Variants in TJP1 observed in about 807,000 individuals in gnomAD.
The protein encoded by TJP1 is tight junction protein ZO-1.
TJP1 carries 43 observed loss-of-function variants against 194.2 expected under a neutral mutation model. That is an observed-to-expected ratio of 0.22 (90% CI 0.17 to 0.29). The LOEUF (loss-of-function observed/expected upper bound fraction) is 0.29, where lower values mean the gene tolerates loss of function less well. Among genes scored for constraint, TJP1 ranks in the 10% least tolerant of loss-of-function variants. The probability of loss-of-function intolerance (pLI) is 1.00; values close to 1 mark genes in which losing one functional copy is unlikely to be tolerated. For synonymous variants in TJP1, 801 were observed against 779.0 expected, an observed-to-expected ratio of 1.03 and a Z score of -0.47; for missense variants, 1,971 against 2,185.7, an observed-to-expected ratio of 0.90 and a Z score of 1.96.
chr15:29,835,998 T>C (rs896645839), intron 2 of TJP1, among the ~76,000 whole-genome samples: 2 of 152,210 alleles, frequency 1.3e-5, no homozygotes, highest in Non-Finnish European at 2.9e-5. Context: ...TTTTTTCTTC[T>C]TTAACTTCAT....
intron 2 of TJP1, among the ~76,000 whole-genome samples, chr15:29,835,419 G>A (rs1435585870): frequency 1.3e-5 from 2 of 152,122 alleles, no homozygotes; most frequent in Non-Finnish European, 2.9e-5. Flanking sequence ...AAAGGGTGGG[G>A]CTTCCTGTCT....
At chr15:29,717,726 T>TA (rs1425163490) in intron 22 of TJP1, among the ~76,000 whole-genome samples, 1 of 152,148 alleles carries the variant, frequency 6.6e-6, no homozygotes, top group Non-Finnish European at 1.5e-5. Context: ...CTTTTAAAAC[T>TA]AAAAAACATA....
intron 25 of TJP1, among the ~76,000 whole-genome samples, chr15:29,706,345 C>A (rs1044814131): frequency 6.6e-6 from 1 of 152,182 alleles, no homozygotes; most frequent in Non-Finnish European, 1.5e-5. Context: ...TAATGAATTG[C>A]AACCTGAAAG....
At chr15:29,895,042 G>A (rs1391422873) in intron 2 of TJP1, among the ~76,000 whole-genome samples, 1 of 152,194 alleles carries the variant, frequency 6.6e-6, no homozygotes, top group Non-Finnish European at 1.5e-5. Context: ...CTGCCACCAA[G>A]GCCCTTGCAT....
chr15:29,895,481 G>A (rs1480682501), intron 2 of TJP1, among the ~76,000 whole-genome samples: 1 of 152,052 alleles, frequency 6.6e-6, no homozygotes, highest in Non-Finnish European at 1.5e-5. Flanking sequence ...TGTTTCCTAT[G>A]GTTTCTAATA....
intron 2 of TJP1, among the ~76,000 whole-genome samples, chr15:29,864,789 C>T (rs1394283607): frequency 6.6e-6 from 1 of 152,134 alleles, no homozygotes; most frequent in Non-Finnish European, 1.5e-5. Flanking sequence ...GGCTTTCTGT[C>T]CTACAGATCC....
chr15:29,926,372 G>C (rs1250655250), intron 2 of TJP1, among the ~76,000 whole-genome samples: 1 of 152,174 alleles, frequency 6.6e-6, no homozygotes, highest in Admixed American at 6.5e-5. Flanking sequence ...AGCACTTTGG[G>C]AGACCGAGGC....
chr15:29,703,217 G>A (rs1009878833), intron 27 of TJP1, among the ~76,000 whole-genome samples: 1 of 152,156 alleles, frequency 6.6e-6, no homozygotes, highest in South Asian at 2.1e-4. Context: ...CTGGGAGGCC[G>A]AGGCGGGTGG....
At chr15:29,956,374 A>G (rs1243804228) in intron 1 of TJP1, 1 of 1,283,962 alleles carries the variant, frequency 7.8e-7, no homozygotes, top group Admixed American at 2.4e-5. Flanking sequence ...CCTGCAAGAA[A>G]GAAAAAAATT....
chr15:29,886,508 C>A (rs2053119625), intron 2 of TJP1, among the ~76,000 whole-genome samples: 1 of 151,518 alleles, frequency 6.6e-6, no homozygotes, highest in Non-Finnish European at 1.5e-5. Flanking sequence ...CAGGAGGATT[C>A]TTTCAGCCCA....
chr15:29,867,643 C>T (rs959084299), intron 2 of TJP1, among the ~76,000 whole-genome samples: 5 of 152,150 alleles, frequency 3.3e-5, no homozygotes, highest in African/African-American at 1.2e-4. Flanking sequence ...CATGGTGGCT[C>T]ATGCCTGTAA....
intron 4 of TJP1, among the ~76,000 whole-genome samples, chr15:29,770,667 G>C (rs1196724740): frequency 1.9e-5 from 2 of 103,248 alleles, no homozygotes; most frequent in Admixed American, 1.2e-4. Context: ...GTGACAGAGT[G>C]AGACTCTGTC....
chr15:29,760,297 G>C (rs769220915), intron 8 of TJP1: 2 of 701,796 alleles, frequency 2.8e-6, no homozygotes, highest in South Asian at 3.0e-5. Flanking sequence ...ATTCTCAAAT[G>C]TACGTGTGAC....
intron 8 of TJP1, among the ~76,000 whole-genome samples, chr15:29,758,026 T>C (rs2045757819): frequency 6.6e-6 from 1 of 152,244 alleles, no homozygotes; most frequent in African/African-American, 2.4e-5. Context: ...TAATGAACAG[T>C]AAATGTATTT....
intron 2 of TJP1, among the ~76,000 whole-genome samples, chr15:29,789,384 T>A (rs2047925556): frequency 6.6e-6 from 1 of 152,156 alleles, no homozygotes; most frequent in South Asian, 2.1e-4. Context: ...GATGTACATA[T>A]TCAACTGTCA....
chr15:29,761,373 G>T, intron 7 of TJP1, 87 bp from the exon 8 acceptor site: 1 of 1,485,406 alleles, frequency 6.7e-7, no homozygotes, highest in Non-Finnish European at 9.1e-7. Flanking sequence ...AGATAAGCTA[G>T]TAAGTAAAAT....
intron 2 of TJP1, among the ~76,000 whole-genome samples, chr15:29,796,159 A>T (rs1291610754): frequency 1.3e-5 from 2 of 152,104 alleles, no homozygotes; most frequent in Middle Eastern, 3.2e-3. Context: ...CCTAATTAAC[A>T]ACATCCTGAA....
At chr15:29,762,685 A>C (rs995056368) in intron 5 of TJP1, among the ~76,000 whole-genome samples, 1 of 152,202 alleles carries the variant, frequency 6.6e-6, no homozygotes, top group Admixed American at 6.5e-5. Context: ...TTCCCATATT[A>C]CTGAAAAGGA....
At chr15:29,704,767 C>T (rs2041785012) in intron 26 of TJP1, among the ~76,000 whole-genome samples, 1 of 152,120 alleles carries the variant, frequency 6.6e-6, no homozygotes, top group Non-Finnish European at 1.5e-5. Context: ...ATATATTTTC[C>T]ATTTTCAAAA....
Sources: allele counts gnomAD v4.1 joint callset (sites outside exome capture counted in the v4.1 genomes callset), GRCh38; gene constraint gnomAD v4.1.1; transcripts MANE v1.5; gene names NCBI Gene and HGNC (gene_info 2026-07-23, HGNC 2026-07-21).